The following LPXN variants were observed in gnomAD, a reference collection of about 807,000 sequenced individuals.
LPXN encodes leupaxin.
In LPXN, 28 loss-of-function variants were observed where a neutral mutation model predicts 45.6. That is an observed-to-expected ratio of 0.61 (90% confidence interval 0.45 to 0.84). The LOEUF is 0.84. Among genes scored for constraint, LPXN ranks in the 40% least tolerant of loss-of-function variants. LPXN has a pLI of 0.00. For missense variants in LPXN, 459 were observed against 475.0 expected (o/e 0.97, Z 0.31); for synonymous variants, 166 against 169.9 (o/e 0.98, Z 0.18).
intron 4 of LPXN, 125 bp downstream of exon 4, chr11:58,554,716 G>A: frequency 3.2e-6 from 2 of 624,232 alleles, no homozygotes; most frequent in South Asian, 4.9e-5. Flanking sequence ...TGACAACTTA[G>A]GAAAATTCCT....
At chr11:58,558,592 G>T (rs1422147467) in intron 3 of LPXN, among the ~76,000 whole-genome samples, 1 of 115,098 alleles carries the variant, frequency 8.7e-6, no homozygotes, top group Non-Finnish European at 1.9e-5. Context: ...AGAAGAAAAA[G>T]AAAAACAAAT....
At chr11:58,573,928 T>C (rs1451414080) in intron 1 of LPXN, among the ~76,000 whole-genome samples, 1 of 152,190 alleles carries the variant, frequency 6.6e-6, no homozygotes, top group Non-Finnish European at 1.5e-5. Flanking sequence ...GCCTACGTAA[T>C]GAGGGTTTAG....
chr11:58,534,388 C>T (rs1853485841), intron 7 of LPXN, among the ~76,000 whole-genome samples: 1 of 152,100 alleles, frequency 6.6e-6, no homozygotes, highest in Non-Finnish European at 1.5e-5. Context: ...AACCGCACAA[C>T]TACATGGAAA....
At chr11:58,575,004 C>G (rs1854837607) in intron 1 of LPXN, among the ~76,000 whole-genome samples, 2 of 152,146 alleles carry the variant, frequency 1.3e-5, no homozygotes, top group South Asian at 4.1e-4. Context: ...AGTTAAGATG[C>G]TGGCAACAGA....
intron 1 of LPXN, among the ~76,000 whole-genome samples, chr11:58,571,221 T>C (rs188263631): frequency 4.8e-4 from 73 of 152,124 alleles, no homozygotes; most frequent in Non-Finnish European, 9.3e-4. Context: ...ACACCTGTGG[T>C]CCCAGCTACT....
chr11:58,527,549 C>T lies in LPXN; in HGVS notation c.1066G>A (p.Ala356Thr). The change falls in exon 9 of 9, where the codon GCT becomes ACT. Residue 356 changes from alanine (A) to threonine (T), a missense_variant. Transcript: ENST00000395074. ...TTCGACAACTGTGTCAGGCAGAAAG[C>T]ACACACAAAGTGCTCAGGATGGAAC... ...YKFHPEHFVC[A>T]FCLTQLSKGI... 6.2e-7 allele frequency: 1 copy of T among 1,614,198 alleles called. No individual in the cohort carries two copies. The highest frequency in any genetic ancestry group is 1.1e-5 in the South Asian group (1 of 91,080).
rs146869529 is a variant in LPXN at position 58,549,643 on chromosome 11, G to C, written c.742+143C>G. 954 of 615,856 alleles carry C rather than the reference G, an allele frequency of 1.5e-3. 9 individuals carry two copies. The African/African-American group carries it at 0.017, about 11-fold the overall frequency. The allele number at this position is 615,856 out of a possible 1,614,324, so 38.1% of individuals were successfully genotyped here. The stretch of plus-strand genomic sequence containing the variant: ...AAATTATAAATGTTGGAGAAAGGTA[G>C]GGAGGGATGGTATCTAGTACTGAAA... On this transcript the variant is annotated intron_variant, in intron 7 of 8. Coordinates refer to ENST00000395074, the MANE Select transcript of LPXN (RefSeq NM_004811.3).
intron 7 of LPXN, among the ~76,000 whole-genome samples, chr11:58,541,397 C>T (rs565030508): frequency 4.6e-5 from 7 of 152,304 alleles, no homozygotes; most frequent in Admixed American, 2.6e-4. Flanking sequence ...ACAGACACTT[C>T]TCAAAAGAAG....
chr11:58,556,840 T>C (rs372313720), intron 3 of LPXN, among the ~76,000 whole-genome samples: 2 of 152,100 alleles, frequency 1.3e-5, no homozygotes, highest in East Asian at 3.8e-4. Context: ...GAAAAACCAT[T>C]GGCAGACATA....
rs183457921 is a variant in LPXN at position 58,572,094 on chromosome 11, G to A, written c.14-1381C>T. Among the ~76,000 whole-genome samples the A allele has an allele frequency of 1.5e-3, 231 of 151,864 alleles. 3 individuals are homozygous for A. Among genetic ancestry groups the A allele is most frequent in the African/African-American group, 5.5e-3 (226 of 41,366 alleles). ...AATAATGCATTAGTGGATCTCTAGC[G>A]GACTTCTTACCACAGATTTTAGCTT... On this transcript the variant is annotated intron_variant, in intron 1 of 8. Coordinates refer to ENST00000395074, the MANE Select transcript of LPXN (RefSeq NM_004811.3).
At position 58,551,098 on chromosome 11, in the gene LPXN, A is replaced by G. The variant is rs1247308072; in HGVS notation, c.453T>C (p.His151=). ...DLGIATVPKG[H]CASCQKPIAG... ...CAATCGGTTTCTGGCAGGATGCACA[A>G]TGGCCCTTGGGCACTGTGGCAATGC... Residue 151 remains histidine, a synonymous_variant, in exon 5 of 9, where the codon CAT becomes CAC. Coordinates refer to ENST00000395074, the MANE Select transcript of LPXN (RefSeq NM_004811.3). The G allele has an allele frequency of 6.3e-7, 1 of 1,593,164 alleles. No individual in the cohort carries two copies. Among genetic ancestry groups the G allele is most frequent in the Non-Finnish European group, 8.5e-7 (1 of 1,170,486 alleles).
At chr11:58,562,422 CATCT>C (rs1371146207) in intron 3 of LPXN, among the ~76,000 whole-genome samples, 2 of 152,112 alleles carry the variant, frequency 1.3e-5, no homozygotes, top group African/African-American at 2.4e-5. Flanking sequence ...CAGGGATGTG[CATCT>C]ATCTATTACA....
At chr11:58,568,052 T>A (rs1405714351) in intron 2 of LPXN, among the ~76,000 whole-genome samples, 1 of 152,128 alleles carries the variant, frequency 6.6e-6, no homozygotes, top group Admixed American at 6.5e-5. Flanking sequence ...GTTCCACGCA[T>A]CTCACAGGCC....
Position 58,549,854 on chromosome 11 carries a change from G to A in LPXN, c.674C>T (p.Ala225Val). ...AAPILDKVLT[A>V]MNQTWHPEHF... is the part of the protein sequence containing the mutation. ...CTCTGGGTGCCAGGTCTGGTTCATTGCTGTCAGCACTTTCTGGAAAGGGAA... is the reference window on the plus strand; with the variant it reads ...CTCTGGGTGCCAGGTCTGGTTCATTACTGTCAGCACTTTCTGGAAAGGGAA... The change falls in exon 7 of 9, where the codon GCA becomes GTA. Residue 225 changes from alanine to valine, a missense_variant. Coordinates refer to ENST00000395074, the MANE Select transcript of LPXN (RefSeq NM_004811.3). The A allele has an allele frequency of 6.2e-7, 1 of 1,614,142 alleles. No homozygotes were observed. Among genetic ancestry groups the A allele is most frequent in the South Asian group, 1.1e-5 (1 of 91,078 alleles).
At chr11:58,538,047 T>A (rs1020282418) in intron 7 of LPXN, among the ~76,000 whole-genome samples, 5 of 151,580 alleles carry the variant, frequency 3.3e-5, no homozygotes, top group Non-Finnish European at 7.4e-5. Context: ...CTTGCGATAG[T>A]TTACTGAGAA....
intron 3 of LPXN, among the ~76,000 whole-genome samples, chr11:58,562,572 C>T (rs751706297): frequency 7.9e-5 from 12 of 152,014 alleles, no homozygotes; most frequent in Non-Finnish European, 1.3e-4. Context: ...AGAGTTTAGA[C>T]CAGAAACCTG....
chr11:58,569,198 C>T (rs570152493), intron 2 of LPXN, among the ~76,000 whole-genome samples: 5 of 152,198 alleles, frequency 3.3e-5, no homozygotes, highest in Non-Finnish European at 7.3e-5. Flanking sequence ...TATCATAGTA[C>T]AAAATTACCA....
At chr11:58,538,001 C>T (rs1274632646) in intron 7 of LPXN, among the ~76,000 whole-genome samples, 1 of 148,638 alleles carries the variant, frequency 6.7e-6, no homozygotes, top group Non-Finnish European at 1.5e-5. Context: ...CAATTCCCAC[C>T]TATGAGTGAG....
At chr11:58,530,007 G>C (rs193087847) in intron 7 of LPXN, among the ~76,000 whole-genome samples, 14 of 152,336 alleles carry the variant, frequency 9.2e-5, no homozygotes, top group African/African-American at 3.1e-4. Flanking sequence ...CTCCGGCCCA[G>C]ATACTGTGCT....
Sources: allele counts gnomAD v4.1 joint callset (sites outside exome capture counted in the v4.1 genomes callset), GRCh38; gene constraint gnomAD v4.1.1; transcripts MANE v1.5; gene names NCBI Gene and HGNC (gene_info 2026-07-23, HGNC 2026-07-21).